The following SLC35F4 variants were observed in gnomAD, a reference collection of about 807,000 sequenced individuals.
SLC35F4 encodes the protein chromosome 14 open reading frame 36.
A neutral mutation model predicts 44.2 loss-of-function variants in SLC35F4; 24 were observed. The observed-to-expected ratio is 0.54, with a 90% CI of 0.39 to 0.76. The LOEUF is 0.76. Among genes scored for constraint, SLC35F4 ranks in the 30% least tolerant of loss-of-function variants. SLC35F4 has a pLI of 0.00. For synonymous variants in SLC35F4, 238 were observed against 223.6 expected (o/e 1.06, Z -0.57); for missense variants, 562 against 586.1 (o/e 0.96, Z 0.42).
At chr14:57,739,320 G>A (rs534389054) in intron 1 of SLC35F4, among the ~76,000 whole-genome samples, 2 of 152,280 alleles carry the variant, frequency 1.3e-5, no homozygotes, top group South Asian at 4.1e-4. Context: ...GGAGTAGGAG[G>A]ACCAACGGCA....
rs550160117 is a variant in SLC35F4, at chr14:57,704,796, G to A, written c.104-110672C>T. ...AGTCAACCAAAATGTCTCATTTACT[G>A]TTGATGTTATGTGCATGAGAGAGCC... On this transcript the variant is annotated intron_variant, in intron 1 of 7. Transcript: ENST00000556826. 5.8e-4 allele frequency among the ~76,000 whole-genome samples: 89 copies of A among 152,278 alleles called. 1 individual carries two copies. Among genetic ancestry groups the A allele is most frequent in the Non-Finnish European group, 1.1e-3 (74 of 68,028 alleles).
At chr14:57,775,545 G>C (rs1595029898) in intron 1 of SLC35F4, among the ~76,000 whole-genome samples, 1 of 152,310 alleles carries the variant, frequency 6.6e-6, no homozygotes, top group Admixed American at 6.5e-5. Flanking sequence ...CTGAGCCTTG[G>C]CTCTTTAAGG....
intron 1 of SLC35F4, among the ~76,000 whole-genome samples, chr14:57,724,730 G>A (rs560959033): frequency 6.6e-6 from 1 of 152,308 alleles, no homozygotes; most frequent in African/African-American, 2.4e-5. Flanking sequence ...CTAGGGCTTG[G>A]TTCACAGATG....
intron 1 of SLC35F4, among the ~76,000 whole-genome samples, chr14:57,739,948 C>T (rs957710652): frequency 6.6e-6 from 1 of 152,140 alleles, no homozygotes; most frequent in Non-Finnish European, 1.5e-5. Context: ...AAACCTCTGC[C>T]TGCGGGGTTC....
chr14:57,764,983 T>C (rs551345032), intron 1 of SLC35F4, among the ~76,000 whole-genome samples: 1 of 152,156 alleles, frequency 6.6e-6, no homozygotes, highest in African/African-American at 2.4e-5. Context: ...TATTATAAAA[T>C]TATTTAAACA....
chr14:57,839,424 C>T (rs1225474809), intron 1 of SLC35F4, among the ~76,000 whole-genome samples: 1 of 152,122 alleles, frequency 6.6e-6, no homozygotes, highest in Non-Finnish European at 1.5e-5. Context: ...AGATCATGAC[C>T]TTTGCAGAGA....
intron 3 of SLC35F4, among the ~76,000 whole-genome samples, chr14:57,588,157 ACT>A (rs962506053): frequency 2.0e-4 from 30 of 152,282 alleles, no homozygotes; most frequent in African/African-American, 6.5e-4. Context: ...ACAGAGCAAG[ACT>A]CTGTCTCAAA....
At chr14:57,785,973 G>C (rs1016154039) in intron 1 of SLC35F4, among the ~76,000 whole-genome samples, 6 of 152,172 alleles carry the variant, frequency 3.9e-5, no homozygotes, top group Non-Finnish European at 7.3e-5. Flanking sequence ...GGCAGGGGAA[G>C]AACCAAGGCC....
At chr14:57,937,046 T>C (rs116301029) in intron 1 of SLC35F4, among the ~76,000 whole-genome samples, 180 of 146,410 alleles carry the variant, frequency 1.2e-3, no homozygotes, top group African/African-American at 4.4e-3. Context: ...AGCAGGAAAT[T>C]AATAAATATT....
At chr14:57,592,804 A>AT (rs1293531462) in intron 2 of SLC35F4, among the ~76,000 whole-genome samples, 3 of 151,908 alleles carry the variant, frequency 2.0e-5, no homozygotes, top group South Asian at 2.1e-4. Flanking sequence ...CTGAATTGTC[A>AT]TTTTTTTAAG....
downstream of SLC35F4, among the ~76,000 whole-genome samples, chr14:57,972,941 T>C (rs1483662951): frequency 6.6e-6 from 1 of 152,248 alleles, no homozygotes; most frequent in Non-Finnish European, 1.5e-5. Flanking sequence ...GTTCCTTTAC[T>C]GGGTGACAGA....
intron 1 of SLC35F4, among the ~76,000 whole-genome samples, chr14:57,808,351 T>C (rs1881588229): frequency 6.6e-6 from 1 of 151,716 alleles, no homozygotes; most frequent in South Asian, 2.1e-4. Flanking sequence ...ACCACAAATA[T>C]AGAAAGTGAT....
At chr14:57,820,855 T>C (rs1883101524) in intron 1 of SLC35F4, among the ~76,000 whole-genome samples, 1 of 152,152 alleles carries the variant, frequency 6.6e-6, no homozygotes. Context: ...CAGGTATTCT[T>C]AGAGAATAGA....
intron 1 of SLC35F4, among the ~76,000 whole-genome samples, chr14:57,768,729 G>T (rs2077290337): frequency 6.6e-6 from 1 of 151,922 alleles, no homozygotes; most frequent in Admixed American, 6.6e-5. Context: ...ACTATTAAAA[G>T]AGTCAACCTT....
chr14:57,865,779 C>T lies in SLC35F4; in HGVS notation c.47G>A (p.Arg16Gln). 4.6e-6 allele frequency: 7 copies of T among 1,523,894 alleles called. No homozygotes were observed. The highest frequency in any genetic ancestry group is 1.4e-5 in the African/African-American group (1 of 71,522). The allele number at this position is 1,523,894 out of a possible 1,614,324, so 94.4% of individuals were successfully genotyped here. The change falls in exon 1 of 8, where the codon CGG (arginine) becomes CAG (glutamine). Residue 16 changes from arginine to glutamine, a missense_variant. By Grantham distance (43) the Arg-to-Gln change is conservative. Coordinates refer to ENST00000556826, the MANE Select transcript of SLC35F4 (RefSeq NM_001306087.2). ...ATAGTAGCCGGTGATCCGCAGGATC[C>T]GGTCCTCGATAGTGGCCACCCCGTT... is the stretch of plus-strand genomic sequence containing the variant. ...APNGVATIED[R>Q]ILRITGYYGY... is the part of the protein sequence containing the mutation.
intron 1 of SLC35F4, among the ~76,000 whole-genome samples, chr14:57,704,740 C>T (rs753628812): frequency 1.3e-5 from 2 of 152,160 alleles, no homozygotes; most frequent in South Asian, 2.1e-4. Flanking sequence ...AAAGAGCTCG[C>T]TTCTGTGGCC....
intron 1 of SLC35F4, among the ~76,000 whole-genome samples, chr14:57,844,806 A>G (rs1474157167): frequency 6.6e-6 from 1 of 151,916 alleles, no homozygotes; most frequent in Admixed American, 6.6e-5. Flanking sequence ...CCTTGTCCTG[A>G]CTCTTCACTG....
At chr14:57,911,004 T>C (rs1256476672) in intron 1 of SLC35F4, among the ~76,000 whole-genome samples, 2 of 152,062 alleles carry the variant, frequency 1.3e-5, no homozygotes, top group Non-Finnish European at 2.9e-5. Context: ...ACTAGACTTA[T>C]ACCTATGTAT....
At chr14:57,621,514 C>A (rs1242068580) in intron 1 of SLC35F4, among the ~76,000 whole-genome samples, 7 of 152,100 alleles carry the variant, frequency 4.6e-5, no homozygotes, top group Non-Finnish European at 8.8e-5. Flanking sequence ...AATAACACTA[C>A]ATATCTACAA....
Sources: gnomAD v4.1 joint callset for allele counts (sites outside exome capture counted in the v4.1 genomes callset) on GRCh38, gnomAD v4.1.1 for gene constraint, MANE v1.5 for transcripts, NCBI Gene and HGNC (gene_info 2026-07-23, HGNC 2026-07-21) for gene names.